SLC39A8: variants seen among roughly 807,000 people sequenced by gnomAD.
The protein encoded by SLC39A8 is solute carrier family 39 member 8.
A neutral mutation model predicts 40.4 loss-of-function variants in SLC39A8; 15 were observed. The ratio of observed to expected loss-of-function variants is 0.37; its 90% confidence interval spans 0.25 to 0.57. The LOEUF is 0.57. Among genes scored for constraint, SLC39A8 ranks in the 20% least tolerant of loss-of-function variants. The probability of loss-of-function intolerance (pLI) is 0.75; values close to 1 mark genes in which losing one functional copy is unlikely to be tolerated. For synonymous variants in SLC39A8, 223 were observed against 221.6 expected (o/e 1.01, Z -0.06); for missense variants, 472 against 558.8 (o/e 0.84, Z 1.57).
intron 2 of SLC39A8, among the ~76,000 whole-genome samples, chr4:102,342,740 T>C (rs959194866): frequency 6.6e-6 from 1 of 152,230 alleles, no homozygotes; most frequent in Non-Finnish European, 1.5e-5. Context: ...ATCGTATTAC[T>C]GGTACACTTA....
At chr4:102,333,665 A>G (rs1418766109) in intron 2 of SLC39A8, among the ~76,000 whole-genome samples, 2 of 152,192 alleles carry the variant, frequency 1.3e-5, no homozygotes, top group African/African-American at 4.8e-5. Flanking sequence ...GGGGAAAAGA[A>G]AAGAGTTAGA....
At chr4:102,326,389 G>A (rs149313226) in intron 2 of SLC39A8, among the ~76,000 whole-genome samples, 10,273 of 152,090 alleles carry the variant, frequency 0.068, 591 homozygotes, top group Non-Finnish European at 0.098. Flanking sequence ...GTGAAACCCC[G>A]TCTCTACTAA....
chr4:102,267,876 C>T lies in SLC39A8; in HGVS notation c.1044G>A (p.Glu348=). The change falls in exon 7 of 9, where the codon GAG becomes GAA. Residue 348 remains glutamate, a synonymous_variant. Transcript: ENST00000356736. ...AATATGAACAGAGCTCCTTACCTAA[C>T]TCGTGGGGAAACTCCTCACATAGGA... ...IAILCEEFPH[E]LGDFVILLNA... is the part of the protein sequence containing the mutation. 2 of 1,613,922 alleles carry T rather than the reference C, an allele frequency of 1.2e-6. No individual in the cohort carries two copies. Among genetic ancestry groups the T allele is most frequent in the South Asian group, 2.2e-5 (2 of 91,054 alleles).
At chr4:102,304,825 A>C (rs145185513) in intron 5 of SLC39A8, among the ~76,000 whole-genome samples, 164 bp downstream of exon 5, 1 of 151,942 alleles carries the variant, frequency 6.6e-6, no homozygotes, top group African/African-American at 2.4e-5. Flanking sequence ...TCAAGTATTT[A>C]TCTTATACTT....
intron 3 of SLC39A8, among the ~76,000 whole-genome samples, chr4:102,309,225 CACAA>C (rs531117773): frequency 4.7e-4 from 71 of 152,184 alleles, no homozygotes; most frequent in African/African-American, 1.6e-3. Flanking sequence ...ACCACACACA[CACAA>C]ACACACACAA....
chr4:102,299,729 T>C (rs954548264), intron 6 of SLC39A8, among the ~76,000 whole-genome samples: 2 of 152,088 alleles, frequency 1.3e-5, no homozygotes, highest in African/African-American at 4.8e-5. Flanking sequence ...AATCACTTTA[T>C]ATTTAATAGT....
intron 3 of SLC39A8, among the ~76,000 whole-genome samples, chr4:102,314,844 T>C (rs12108646): frequency 0.028 from 4,221 of 152,276 alleles, 200 homozygotes; most frequent in African/African-American, 0.096. Context: ...TTTGCTTGTT[T>C]AAATCTTCTC....
chr4:102,255,415 A>G (rs1408848786), intron 11 of SLC39A8, among the ~76,000 whole-genome samples: 1 of 152,174 alleles, frequency 6.6e-6, no homozygotes, highest in Non-Finnish European at 1.5e-5. Flanking sequence ...ACTCTCTCCA[A>G]TCAGTCCCCA....
chr4:102,299,100 G>T (rs534241701), intron 6 of SLC39A8, among the ~76,000 whole-genome samples: 13 of 152,006 alleles, frequency 8.6e-5, no homozygotes, highest in South Asian at 4.1e-4. Flanking sequence ...AAAGAAAGGG[G>T]TGTTATGTCA....
intron 8 of SLC39A8, among the ~76,000 whole-genome samples, chr4:102,265,022 AT>A (rs1425150533): frequency 6.6e-6 from 1 of 152,126 alleles, no homozygotes; most frequent in African/African-American, 2.4e-5. Context: ...CTTTCTTATT[AT>A]TTGTGTGTTC....
intron 2 of SLC39A8, among the ~76,000 whole-genome samples, chr4:102,332,240 T>C (rs923186469): frequency 1.3e-5 from 2 of 152,162 alleles, no homozygotes; most frequent in Non-Finnish European, 2.9e-5. Flanking sequence ...ACCTACAGAA[T>C]GGGTGAAAAT....
chr4:102,266,745 T>C (rs1340620863), intron 8 of SLC39A8, among the ~76,000 whole-genome samples: 1 of 152,028 alleles, frequency 6.6e-6, no homozygotes, highest in Non-Finnish European at 1.5e-5. Flanking sequence ...GTAGCTGGGA[T>C]TACAGGCGCC....
chr4:102,328,899 G>A (rs1735331891), intron 2 of SLC39A8, among the ~76,000 whole-genome samples: 1 of 151,946 alleles, frequency 6.6e-6, no homozygotes, highest in Non-Finnish European at 1.5e-5. Context: ...TTGGTGGTGG[G>A]CGCCTGTAGT....
chr4:102,325,076 T>TATATATACATATATATATGTATAC (rs1735137533), intron 2 of SLC39A8, among the ~76,000 whole-genome samples: 3 of 151,840 alleles, frequency 2.0e-5, no homozygotes, highest in Non-Finnish European at 4.4e-5. Flanking sequence ...CATACATACT[T>TATATATACATATATATATGTATAC]ATATATACAT....
intron 6 of SLC39A8, 128 bp downstream of exon 6, chr4:102,304,189 A>G (rs914905193): frequency 2.7e-5 from 16 of 603,252 alleles, no homozygotes; most frequent in Non-Finnish European, 4.1e-5. Flanking sequence ...CATTCCAGTT[A>G]CCCCACATAT....
chr4:102,288,457 A>T (rs892397759), intron 6 of SLC39A8, among the ~76,000 whole-genome samples: 2 of 152,062 alleles, frequency 1.3e-5, no homozygotes, highest in Non-Finnish European at 2.9e-5. Context: ...ATAATCCTAA[A>T]ATGGCCTCTA....
chr4:102,330,304 G>A (rs1055936170), intron 2 of SLC39A8, among the ~76,000 whole-genome samples: 1 of 151,802 alleles, frequency 6.6e-6, no homozygotes, highest in Admixed American at 6.6e-5. Flanking sequence ...AAAGAGAGAA[G>A]AATCAAAAGG....
chr4:102,327,479 C>A (rs975493891), intron 2 of SLC39A8, among the ~76,000 whole-genome samples: 1 of 152,172 alleles, frequency 6.6e-6, no homozygotes, highest in Non-Finnish European at 1.5e-5. Flanking sequence ...TCTCAAACTA[C>A]CCAACTCCTG....
intron 2 of SLC39A8, among the ~76,000 whole-genome samples, chr4:102,322,868 A>C (rs1424644822): frequency 6.6e-6 from 1 of 152,184 alleles, no homozygotes; most frequent in African/African-American, 2.4e-5. Flanking sequence ...TCAACTTTAA[A>C]TACCATTACA....
Sources: gnomAD v4.1 joint callset for allele counts (sites outside exome capture counted in the v4.1 genomes callset) on GRCh38, gnomAD v4.1.1 for gene constraint, MANE v1.5 for transcripts, NCBI Gene and HGNC (gene_info 2026-07-23, HGNC 2026-07-21) for gene names.